Variants in ATP10B observed in about 807,000 individuals in gnomAD.
ATP10B encodes phospholipid-transporting ATPase VB.
ATP10B carries 122 observed loss-of-function variants against 141.2 expected under a neutral mutation model. That is an observed-to-expected ratio of 0.86 (90% CI 0.75 to 1.00). The LOEUF is 1.00. ATP10B is among the 50% of genes least tolerant of loss of function. The pLI is 0.00. For missense variants in ATP10B, 1,876 were observed against 1,825.3 expected, an observed-to-expected ratio of 1.03 and a Z score of -0.51; for synonymous variants, 685 against 692.0, an observed-to-expected ratio of 0.99 and a Z score of 0.16.
At chr5:160,630,616 G>C (rs1405780149) in intron 13 of ATP10B, among the ~76,000 whole-genome samples, 1 of 152,070 alleles carries the variant, frequency 6.6e-6, no homozygotes, top group African/African-American at 2.4e-5. Flanking sequence ...AATAACTCGG[G>C]GAAGTGCATT....
intron 8 of ATP10B, among the ~76,000 whole-genome samples, chr5:160,646,967 G>C (rs1760323712): frequency 6.6e-6 from 1 of 152,172 alleles, no homozygotes; most frequent in South Asian, 2.1e-4. Context: ...CCCCTACCCA[G>C]TGGATGCCAA....
chr5:160,822,066 G>A (rs1774153214), intron 1 of ATP10B, among the ~76,000 whole-genome samples: 1 of 152,014 alleles, frequency 6.6e-6, no homozygotes, highest in Non-Finnish European at 1.5e-5. Context: ...TCAACAAAGT[G>A]AAGACACAAT....
intron 13 of ATP10B, among the ~76,000 whole-genome samples, chr5:160,624,833 C>T (rs914489879): frequency 6.6e-6 from 1 of 152,242 alleles, no homozygotes; most frequent in Non-Finnish European, 1.5e-5. Context: ...GACTCCTGAA[C>T]TGCTAGTCTA....
At chr5:160,826,054 A>G (rs1774578882) in intron 1 of ATP10B, among the ~76,000 whole-genome samples, 1 of 152,052 alleles carries the variant, frequency 6.6e-6, no homozygotes, top group South Asian at 2.1e-4. Flanking sequence ...TATCCTGTTC[A>G]TTGTTGATGG....
intron 3 of ATP10B, among the ~76,000 whole-genome samples, chr5:160,707,523 T>A (rs1423705932): frequency 6.6e-6 from 1 of 152,242 alleles, no homozygotes; most frequent in African/African-American, 2.4e-5. Flanking sequence ...AGACTTTCCA[T>A]AGCCATGAGA....
In ATP10B at chr5:160,596,824, T is replaced by C. The variant is rs543262821; in HGVS notation, c.3564+1946A>G. Among the ~76,000 whole-genome samples the C allele has an allele frequency of 1.2e-4, 18 of 152,186 alleles. No individual in the cohort carries two copies. In the South Asian group the frequency reaches 3.7e-3, roughly 32 times the overall value. On this transcript the variant is annotated intron_variant, in intron 22 of 25. Coordinates refer to ENST00000327245, the MANE Select transcript of ATP10B (RefSeq NM_025153.3). ...TCAAAGAGAATAAAATACCTAGGAATCCAACTTACAAGGGACGTGAAGGAC... is the reference window on the plus strand; with the variant it reads ...TCAAAGAGAATAAAATACCTAGGAACCCAACTTACAAGGGACGTGAAGGAC...
rs973263896 is a variant in ATP10B at position 160,839,606 on chromosome 5, T to C, written c.-576+12335A>G. Among the ~76,000 whole-genome samples the C allele has an allele frequency of 6.6e-5, 10 of 152,174 alleles. No individual in the cohort carries two copies. In the East Asian group the frequency reaches 1.2e-3, roughly 18 times the overall value. On this transcript the variant is annotated intron_variant, in intron 1 of 25. Coordinates refer to ENST00000327245, the MANE Select transcript of ATP10B (RefSeq NM_025153.3). Reference sequence around the variant, plus strand: ...ACAGTAAATATAGTGCTTATAGTAATTACAACATAAGATGAGAGGCTTGGC... The same window carrying C: ...ACAGTAAATATAGTGCTTATAGTAACTACAACATAAGATGAGAGGCTTGGC...
intron 1 of ATP10B, among the ~76,000 whole-genome samples, chr5:160,837,255 G>T (rs1455247975): frequency 6.6e-6 from 1 of 152,050 alleles, no homozygotes; most frequent in African/African-American, 2.4e-5. Flanking sequence ...GAGTGGGGTG[G>T]GTCAGCTACA....
chr5:160,815,592 T>C (rs1196460723), intron 1 of ATP10B, among the ~76,000 whole-genome samples: 3 of 152,004 alleles, frequency 2.0e-5, no homozygotes, highest in African/African-American at 4.8e-5. Flanking sequence ...ACTGACAACA[T>C]TAGACAGATC....
At chr5:160,582,487 G>T (rs1240342328) in intron 24 of ATP10B, among the ~76,000 whole-genome samples, 1 of 152,222 alleles carries the variant, frequency 6.6e-6, no homozygotes, top group Non-Finnish European at 1.5e-5. Context: ...CTCCTGGCTT[G>T]TAGGATTTTT....
intron 1 of ATP10B, among the ~76,000 whole-genome samples, chr5:160,829,819 T>C (rs559994543): frequency 1.3e-5 from 2 of 151,964 alleles, no homozygotes; most frequent in African/African-American, 4.8e-5. Context: ...TGCAACCTTG[T>C]TAAACTCATT....
rs1050848488 is a variant in ATP10B at position 160,639,636 on chromosome 5, G to A, written c.1000+825C>T. ...TCTAGGAGGAACCAGAACTGCCGAT[G>A]CCCTGACTTTAACGCAGTGGTCTGC... is the stretch of plus-strand genomic sequence containing the variant. On this transcript the variant is annotated intron_variant, in intron 10 of 25. Coordinates refer to ENST00000327245, the MANE Select transcript of ATP10B (RefSeq NM_025153.3). Among the ~76,000 whole-genome samples the A allele has an allele frequency of 2.6e-5, 4 of 152,296 alleles. No individual in the cohort carries two copies. The East Asian group carries it at 7.7e-4, about 29-fold the overall frequency.
At chr5:160,791,003 AG>A (rs1211619051) in intron 1 of ATP10B, among the ~76,000 whole-genome samples, 1 of 152,108 alleles carries the variant, frequency 6.6e-6, no homozygotes. Context: ...AGATGGAGGA[AG>A]GGGGTCATGA....
At chr5:160,682,594 G>A (rs1445115868) in intron 6 of ATP10B, among the ~76,000 whole-genome samples, 2 of 152,118 alleles carry the variant, frequency 1.3e-5, no homozygotes, top group African/African-American at 2.4e-5. Context: ...CTGGCAGAGC[G>A]AGGAGAACAG....
intron 2 of ATP10B, among the ~76,000 whole-genome samples, chr5:160,730,562 T>C (rs995371272): frequency 6.6e-6 from 1 of 152,018 alleles, no homozygotes; most frequent in African/African-American, 2.4e-5. Context: ...AAAATCAATA[T>C]TTCTCTGTTG....
At chr5:160,797,956 A>T (rs1209356355) in intron 1 of ATP10B, among the ~76,000 whole-genome samples, 2 of 151,758 alleles carry the variant, frequency 1.3e-5, no homozygotes, top group East Asian at 3.9e-4. Flanking sequence ...AAGAAAAAAA[A>T]AAAAAAAGAG....
the ATP10B span, among the ~76,000 whole-genome samples, chr5:160,895,906 A>G: frequency 6.6e-6 from 1 of 152,210 alleles, no homozygotes; most frequent in South Asian, 2.1e-4. Context: ...CCTCAAAACC[A>G]CACAACAAAT....
chr5:160,917,860 T>C, the ATP10B span, among the ~76,000 whole-genome samples: 3 of 152,194 alleles, frequency 2.0e-5, no homozygotes, highest in East Asian at 5.8e-4. Context: ...TGGCTGAGTG[T>C]TCCAAGGAGC....
intron 11 of ATP10B, among the ~76,000 whole-genome samples, chr5:160,635,459 A>G (rs1233225614): frequency 6.6e-6 from 1 of 152,180 alleles, no homozygotes; most frequent in Non-Finnish European, 1.5e-5. Context: ...ATATGAAACC[A>G]TGAGAGGATT....
Sources: gnomAD v4.1 joint callset for allele counts (sites outside exome capture counted in the v4.1 genomes callset) on GRCh38, gnomAD v4.1.1 for gene constraint, MANE v1.5 for transcripts, NCBI Gene and HGNC (gene_info 2026-07-23, HGNC 2026-07-21) for gene names.